WWOX: variants seen among roughly 807,000 people sequenced by gnomAD.
WWOX encodes the protein WW domain-containing oxidoreductase.
WWOX carries 69 observed loss-of-function variants against 46.2 expected under a neutral mutation model. That is an observed-to-expected ratio of 1.49 (90% CI 1.23 to 1.82). WWOX has a LOEUF of 1.82. Among genes scored for constraint, WWOX ranks in the 40% most tolerant of loss-of-function variants. The pLI is 0.00. For synonymous variants in WWOX, 359 were observed against 202.6 expected, an observed-to-expected ratio of 1.77 and a Z score of -6.56; for missense variants, 919 against 542.6, an observed-to-expected ratio of 1.69 and a Z score of -6.89.
chr16:78,122,757 A>G (rs1011416992), intron 4 of WWOX, among the ~76,000 whole-genome samples: 15 of 152,034 alleles, frequency 9.9e-5, no homozygotes, highest in African/African-American at 3.4e-4. Context: ...GGCGTGAGCC[A>G]CTATGTCCGG....
Position 78,691,847 on chromosome 16 carries a change from A to G in WWOX, c.1056+259095A>G, listed in dbSNP as rs189601312. 3.3e-5 allele frequency among the ~76,000 whole-genome samples: 5 copies of G among 152,292 alleles called. No homozygotes were observed. In the East Asian group the frequency reaches 7.7e-4, roughly 24 times the overall value. Reference sequence around the variant, plus strand: ...CCACCCAAATCTCAACTTGAATTGTATCTGCCAGAATTCCCACATGTTGTG... The same window carrying G: ...CCACCCAAATCTCAACTTGAATTGTGTCTGCCAGAATTCCCACATGTTGTG... On this transcript the variant is annotated intron_variant, in intron 8 of 8. Coordinates refer to ENST00000566780, the MANE Select transcript of WWOX (RefSeq NM_016373.4).
intron 8 of WWOX, among the ~76,000 whole-genome samples, chr16:79,126,626 T>A (rs1402002677): frequency 6.6e-6 from 1 of 152,154 alleles, no homozygotes; most frequent in Admixed American, 6.5e-5. Flanking sequence ...CTTTCCTTTA[T>A]AAACTACCCA....
At chr16:79,029,015 C>A (rs2047701238) in intron 8 of WWOX, among the ~76,000 whole-genome samples, 1 of 149,534 alleles carries the variant, frequency 6.7e-6, no homozygotes, top group Middle Eastern at 3.4e-3. Flanking sequence ...AAGCACAATA[C>A]AAATTATATT....
At chr16:79,138,711 T>G (rs1479260588) in intron 8 of WWOX, among the ~76,000 whole-genome samples, 4 of 152,182 alleles carry the variant, frequency 2.6e-5, no homozygotes, top group Admixed American at 2.6e-4. Context: ...ACACACTTGT[T>G]TAGATGTCTC....
At chr16:78,847,408 TATTATAA>T (rs2151176083) in intron 8 of WWOX, among the ~76,000 whole-genome samples, 1 of 152,334 alleles carries the variant, frequency 6.6e-6, no homozygotes, top group East Asian at 1.9e-4. Flanking sequence ...TATCAGTATC[TATTATAA>T]ATTATATATA....
At chr16:78,554,725 G>A (rs1488716893) in intron 8 of WWOX, among the ~76,000 whole-genome samples, 2 of 152,060 alleles carry the variant, frequency 1.3e-5, no homozygotes, top group African/African-American at 4.8e-5. Flanking sequence ...TTCCATTCAG[G>A]GCACGCAGAT....
At chr16:78,678,100 T>TC (rs1445416392) in intron 8 of WWOX, among the ~76,000 whole-genome samples, 1 of 152,172 alleles carries the variant, frequency 6.6e-6, no homozygotes, top group Non-Finnish European at 1.5e-5. Flanking sequence ...CTCACTGCCC[T>TC]CCCCCTCCCC....
chr16:78,858,652 G>C (rs370321104), intron 8 of WWOX, among the ~76,000 whole-genome samples: 1 of 151,944 alleles, frequency 6.6e-6, no homozygotes, highest in Non-Finnish European at 1.5e-5. Flanking sequence ...TTCTTTACCT[G>C]TCATGTTTGA....
intron 8 of WWOX, among the ~76,000 whole-genome samples, chr16:79,030,165 C>T (rs951312803): frequency 3.3e-5 from 5 of 152,076 alleles, no homozygotes; most frequent in African/African-American, 4.8e-5. Flanking sequence ...TCTAATTTTC[C>T]GTTATCATAG....
At chr16:79,194,234 T>G (rs942186324) in intron 8 of WWOX, among the ~76,000 whole-genome samples, 9 of 152,150 alleles carry the variant, frequency 5.9e-5, no homozygotes, top group Admixed American at 2.6e-4. Flanking sequence ...ATTTGACTGG[T>G]CATTTTGTTT....
At chr16:78,383,321 G>A (rs1401756881) in intron 5 of WWOX, among the ~76,000 whole-genome samples, 3 of 152,156 alleles carry the variant, frequency 2.0e-5, no homozygotes, top group Admixed American at 2.0e-4. Flanking sequence ...TATGGGGGAA[G>A]CTGGATGATG....
chr16:78,972,200 G>A (rs1157509886), intron 8 of WWOX, among the ~76,000 whole-genome samples: 2 of 152,148 alleles, frequency 1.3e-5, no homozygotes, highest in African/African-American at 2.4e-5. Context: ...GCCATCAGCT[G>A]CCGTGCTTGG....
At position 78,299,748 on chromosome 16, in the gene WWOX, C is replaced by T. The variant is rs182256398; in HGVS notation, c.517-87112C>T. On this transcript the variant is annotated intron_variant, in intron 5 of 8. Transcript: ENST00000566780. ...TTTGCCATGTTGCCCAGGCTGTTCT[C>T]GAACTCCTGGGCTCAAGTGTTGTGC... Among the ~76,000 whole-genome samples the T allele has an allele frequency of 4.2e-3, 639 of 152,120 alleles. 5 individuals carry two copies. Among genetic ancestry groups the T allele is most frequent in the South Asian group, 9.4e-3 (45 of 4,812 alleles).
At chr16:79,122,956 A>G (rs1227986506) in intron 8 of WWOX, among the ~76,000 whole-genome samples, 1 of 152,176 alleles carries the variant, frequency 6.6e-6, no homozygotes, top group African/African-American at 2.4e-5. Context: ...CGCCATCCAC[A>G]TGGTCATTGC....
chr16:78,980,351 T>G (rs1401057187), intron 8 of WWOX, among the ~76,000 whole-genome samples: 2 of 152,202 alleles, frequency 1.3e-5, no homozygotes, highest in East Asian at 1.9e-4. Context: ...AGTAAACACT[T>G]GCACTGCTAA....
chr16:78,757,207 A>G (rs1243277647), intron 8 of WWOX, among the ~76,000 whole-genome samples: 2 of 152,162 alleles, frequency 1.3e-5, no homozygotes, highest in South Asian at 2.1e-4. Flanking sequence ...GTTTCAGCCC[A>G]CTTAGTTTTG....
chr16:78,627,288 T>G (rs2151653241), intron 8 of WWOX, among the ~76,000 whole-genome samples: 1 of 152,310 alleles, frequency 6.6e-6, no homozygotes, highest in East Asian at 1.9e-4. Context: ...ATTGGCCAAC[T>G]AGTCTGGTCT....
At chr16:79,058,563 G>C (rs1218629313) in intron 8 of WWOX, among the ~76,000 whole-genome samples, 3 of 152,256 alleles carry the variant, frequency 2.0e-5, no homozygotes, top group South Asian at 2.1e-4. Context: ...GAATTGAAAA[G>C]ACATTCACGT....
At chr16:78,773,473 G>A (rs569824125) in intron 8 of WWOX, among the ~76,000 whole-genome samples, 53 of 152,322 alleles carry the variant, frequency 3.5e-4, no homozygotes, top group Middle Eastern at 3.4e-3. Context: ...ACAATGAGGC[G>A]GGCAGCAGGG....
Sources: allele counts gnomAD v4.1 joint callset (sites outside exome capture counted in the v4.1 genomes callset), GRCh38; gene constraint gnomAD v4.1.1; transcripts MANE v1.5; gene names NCBI Gene and HGNC (gene_info 2026-07-23, HGNC 2026-07-21).